The following MARCHF4 variants were observed in gnomAD, a reference collection of about 807,000 sequenced individuals.
The protein encoded by MARCHF4 is E3 ubiquitin-protein ligase MARCHF4.
A neutral mutation model predicts 43.9 loss-of-function variants in MARCHF4; 14 were observed. The ratio of observed to expected loss-of-function variants is 0.32; its 90% CI spans 0.21 to 0.50. MARCHF4 has a LOEUF of 0.50. Among genes scored for constraint, MARCHF4 ranks in the 20% least tolerant of loss-of-function variants. The pLI, the probability that MARCHF4 is intolerant of heterozygous loss-of-function variation, is 0.98. For synonymous variants in MARCHF4, 226 were observed against 213.3 expected (o/e 1.06, Z -0.52); for missense variants, 468 against 536.7 (o/e 0.87, Z 1.27).
chr2:216,259,754 C>T (rs1690711507), intron 3 of MARCHF4, 75 bp from the exon 4 acceptor site: 3 of 1,446,696 alleles, frequency 2.1e-6, no homozygotes, highest in Non-Finnish European at 2.9e-6. Context: ...CACAGTCTCT[C>T]TGAATCTATG....
intron 1 of MARCHF4, among the ~76,000 whole-genome samples, chr2:216,355,747 A>G (rs546097148): frequency 9.8e-5 from 15 of 152,298 alleles, no homozygotes; most frequent in African/African-American, 3.6e-4. Flanking sequence ...CAAAGACCAG[A>G]CCCTCTGGGT....
At chr2:216,305,411 C>T (rs1691568524) in intron 1 of MARCHF4, among the ~76,000 whole-genome samples, 1 of 152,216 alleles carries the variant, frequency 6.6e-6, no homozygotes, top group African/African-American at 2.4e-5. Context: ...TTTCCTCCAT[C>T]ACCTGTCCCA....
At chr2:216,291,189 C>A (rs1357490371) in intron 1 of MARCHF4, among the ~76,000 whole-genome samples, 1 of 152,062 alleles carries the variant, frequency 6.6e-6, no homozygotes, top group Non-Finnish European at 1.5e-5. Flanking sequence ...AGAAGGGAAG[C>A]TCAATGAGAT....
chr2:216,334,679 GC>G (rs1312810781), intron 1 of MARCHF4, among the ~76,000 whole-genome samples: 2 of 152,162 alleles, frequency 1.3e-5, no homozygotes, highest in East Asian at 3.8e-4. Context: ...GGGATTTCAG[GC>G]ATGAGCCACC....
rs1690685024 is a variant in MARCHF4, at chr2:216,258,330, G to A, written c.*982C>T. 1 of 152,550 alleles carries A rather than the reference G, an allele frequency of 6.6e-6. No individual in the cohort carries two copies. The highest frequency in any genetic ancestry group is 1.5e-5 in the Non-Finnish European group (1 of 68,274). The allele number at this position is 152,550 out of a possible 1,614,324, so 9.4% of individuals were successfully genotyped here. ...GTAGGTCAGGGGTGCCCTACCGTGA[G>A]GGGACTGGGTCTGTGCATGTGCCAA... On this transcript the variant is annotated 3_prime_UTR_variant, in exon 4 of 4. Transcript: ENST00000273067.
rs758282565 is a variant in MARCHF4, at chr2:216,363,140, C to T, written c.516+6605G>A. Among the ~76,000 whole-genome samples, 11 of 152,182 alleles carry T rather than the reference C, an allele frequency of 7.2e-5. 1 individual carries two copies. The highest frequency in any genetic ancestry group is 4.6e-4 in the Admixed American group (7 of 15,272). ...ATCTCTCCTTTTTCTCTCCCAGCCT[C>T]TTCTGAAATCCATATTTCATAACTT... is the stretch of plus-strand genomic sequence containing the variant. On this transcript the variant is annotated intron_variant, in intron 1 of 3. Transcript: ENST00000273067.
At chr2:216,343,816 AC>A (rs1207736602) in intron 1 of MARCHF4, among the ~76,000 whole-genome samples, 1 of 152,228 alleles carries the variant, frequency 6.6e-6, no homozygotes, top group Non-Finnish European at 1.5e-5. Flanking sequence ...CAGGATTGTA[AC>A]TGAAGTCGGG....
At chr2:216,328,369 G>A (rs1359043125) in intron 1 of MARCHF4, among the ~76,000 whole-genome samples, 1 of 152,182 alleles carries the variant, frequency 6.6e-6, no homozygotes. Flanking sequence ...GTTTCACCAT[G>A]TTGGCCAGAA....
intron 1 of MARCHF4, among the ~76,000 whole-genome samples, chr2:216,337,495 A>G (rs912552356): frequency 6.6e-6 from 1 of 152,226 alleles, no homozygotes. Flanking sequence ...GGTTGGCATT[A>G]TGGATAATTT....
At chr2:216,295,719 C>A (rs1284535899) in intron 1 of MARCHF4, among the ~76,000 whole-genome samples, 1 of 152,184 alleles carries the variant, frequency 6.6e-6, no homozygotes, top group Admixed American at 6.5e-5. Flanking sequence ...AAATGAAGTT[C>A]ATCAGTCTGA....
intron 3 of MARCHF4, among the ~76,000 whole-genome samples, chr2:216,268,197 G>T (rs72960750): frequency 3.3e-5 from 5 of 152,210 alleles, no homozygotes; most frequent in Non-Finnish European, 7.4e-5. Context: ...CAAAATCCTG[G>T]GATGTCAGAC....
At chr2:216,268,637 C>T (rs192274514) in intron 3 of MARCHF4, among the ~76,000 whole-genome samples, 5 of 152,288 alleles carry the variant, frequency 3.3e-5, no homozygotes, top group Admixed American at 2.6e-4. Flanking sequence ...ATAAATTACC[C>T]AGTATCAGGG....
At chr2:216,326,967 A>AAAAT (rs144064953) in intron 1 of MARCHF4, among the ~76,000 whole-genome samples, 18 of 152,196 alleles carry the variant, frequency 1.2e-4, no homozygotes, top group East Asian at 1.9e-4. Flanking sequence ...ATAATAATAA[A>AAAAT]AAATAAATAA....
At chr2:216,326,205 A>G (rs567948160) in intron 1 of MARCHF4, among the ~76,000 whole-genome samples, 1 of 152,330 alleles carries the variant, frequency 6.6e-6, no homozygotes, top group South Asian at 2.1e-4. Context: ...AAACCACATG[A>G]AAAAATGCTC....
chr2:216,259,263 G>A lies in MARCHF4; in HGVS notation c.*49C>T. The A allele has an allele frequency of 6.6e-7, 1 of 1,505,968 alleles. No individual in the cohort carries two copies. The highest frequency in any genetic ancestry group is 8.9e-7 in the Non-Finnish European group (1 of 1,128,926). 93.3% of individuals were successfully genotyped at this position (1,505,968 alleles called of 1,614,324 possible). ...GGGTGCCACTGCACCTCCCCACCCT[G>A]CTCCGGGCCCTCAGTGGTGGTCATG... On this transcript the variant is annotated 3_prime_UTR_variant, in exon 4 of 4. Transcript: ENST00000273067.
At chr2:216,307,442 G>A (rs573543582) in intron 1 of MARCHF4, among the ~76,000 whole-genome samples, 28 of 152,108 alleles carry the variant, frequency 1.8e-4, no homozygotes, top group Non-Finnish European at 3.4e-4. Context: ...TTCTGTGGAA[G>A]TTTCTGTGAG....
intron 1 of MARCHF4, among the ~76,000 whole-genome samples, chr2:216,296,749 G>A (rs1477331362): frequency 6.6e-6 from 1 of 152,142 alleles, no homozygotes; most frequent in East Asian, 1.9e-4. Context: ...TTCTCTATGT[G>A]GGACTTGTAT....
At chr2:216,291,389 C>T (rs1045220548) in intron 1 of MARCHF4, among the ~76,000 whole-genome samples, 6 of 152,002 alleles carry the variant, frequency 3.9e-5, no homozygotes, top group Non-Finnish European at 7.4e-5. Context: ...TGAAGATTGG[C>T]GGGGGAGGTC....
chr2:216,260,248 C>T (rs968128050), intron 3 of MARCHF4, among the ~76,000 whole-genome samples: 10 of 152,244 alleles, frequency 6.6e-5, no homozygotes, highest in Admixed American at 5.9e-4. Flanking sequence ...AATAAATAAT[C>T]ATTGTGTGCC....
Sources: gnomAD v4.1 joint callset for allele counts (sites outside exome capture counted in the v4.1 genomes callset) on GRCh38, gnomAD v4.1.1 for gene constraint, MANE v1.5 for transcripts, NCBI Gene and HGNC (gene_info 2026-07-23, HGNC 2026-07-21) for gene names.